Variants in RIC8B observed in about 807,000 individuals in gnomAD.
RIC8B encodes RIC8 guanine nucleotide exchange factor B, also known as chaperone Ric-8B.
Under a neutral mutation model 57.5 loss-of-function variants are expected in RIC8B, and 16 were observed. That is an observed-to-expected ratio of 0.28 (90% CI 0.19 to 0.42). RIC8B has a LOEUF of 0.42. Ranked by LOEUF, RIC8B falls within the 10% of genes least tolerant of loss-of-function variation. The pLI is 1.00. For synonymous variants in RIC8B, 216 were observed against 250.8 expected (o/e 0.86, Z 1.31); for missense variants, 481 against 677.0 (o/e 0.71, Z 3.21).
At chr12:106,872,595 G>C (rs1950480087) in intron 9 of RIC8B, among the ~76,000 whole-genome samples, 1 of 151,164 alleles carries the variant, frequency 6.6e-6, no homozygotes, top group Admixed American at 6.6e-5. Context: ...TTGAACCTGG[G>C]AGGCGGAGGT....
Position 106,860,323 on chromosome 12 carries a change from C to G in RIC8B, c.1362C>G (p.Ala454=). Residue 454 remains alanine, a synonymous_variant, in exon 8 of 10, where the codon GCC becomes GCG. Transcript: ENST00000392837. ...GGAATGCTGCAGGACTGTTGGCGGC[C>G]AGGGGCCTCTTGGCTGGAGGAAGAG... The part of the protein sequence containing the change: ...GYGNAAGLLA[A]RGLLAGGRGD... 6.2e-7 allele frequency: 1 copy of G among 1,608,716 alleles called. No individual in the cohort carries two copies. The highest frequency in any genetic ancestry group is 1.1e-5 in the South Asian group (1 of 90,316).
At chr12:106,798,262 A>G (rs368499153) in intron 2 of RIC8B, among the ~76,000 whole-genome samples, 3 of 152,242 alleles carry the variant, frequency 2.0e-5, no homozygotes. Flanking sequence ...CAAAGTGCAG[A>G]AATTTGTACA....
At chr12:106,783,975 G>A in intron 1 of RIC8B, 22 bp from the exon 2 acceptor site, 1 of 1,609,104 alleles carries the variant, frequency 6.2e-7, no homozygotes, top group East Asian at 2.2e-5. Flanking sequence ...AAATGACATT[G>A]TTTCCCTTTT....
chr12:106,788,125 G>A (rs2044114521), intron 2 of RIC8B, among the ~76,000 whole-genome samples: 1 of 152,156 alleles, frequency 6.6e-6, no homozygotes, highest in East Asian at 1.9e-4. Context: ...GGGTTACAGG[G>A]CCCATGCAAG....
intron 4 of RIC8B, among the ~76,000 whole-genome samples, chr12:106,838,535 C>CA (rs34383569): frequency 0.34 from 31,923 of 94,528 alleles, 3,919 homozygotes; most frequent in Middle Eastern, 0.36. Context: ...AATACCCTGT[C>CA]AAAAAAAAAA....
At chr12:106,814,675 A>G (rs760205486) in intron 2 of RIC8B, 21 bp from the exon 3 acceptor site, 170 of 1,557,628 alleles carry the variant, frequency 1.1e-4, no homozygotes, top group East Asian at 4.5e-4. Flanking sequence ...TGATTTTTGC[A>G]TACTCGTTCT....
chr12:106,871,500 C>CAAAAAAAAAAA lies in RIC8B; in HGVS notation c.1571+564_1571+565insAAAAAAAAAAA, dbSNP rs1566169701. On this transcript the variant is annotated intron_variant, in intron 9 of 9. Coordinates refer to ENST00000392837, the MANE Select transcript of RIC8B (RefSeq NM_001330145.2). ...AAAAAAAAAAAAAAAAAAAAAAAAC[C>CAAAAAAAAAAA]AAAAAACTCCCCTTCCCCTCTTGCT... 25 of 66,570 alleles carry CAAAAAAAAAAA rather than the reference C, an allele frequency of 3.8e-4. 2 individuals carry two copies. Among genetic ancestry groups the CAAAAAAAAAAA allele is most frequent in the African/African-American group, 1.2e-3 (20 of 16,622 alleles). 4.1% of individuals were successfully genotyped at this position (66,570 alleles called of 1,614,324 possible). A position where few individuals can be genotyped will look rare whatever the true frequency, so the allele number is the denominator to read the frequency against.
chr12:106,808,961 C>T (rs1480253379), intron 2 of RIC8B, among the ~76,000 whole-genome samples: 2 of 151,964 alleles, frequency 1.3e-5, no homozygotes, highest in African/African-American at 4.8e-5. Context: ...AAAGATGATC[C>T]TTGTTTTATT....
chr12:106,882,597 A>C (rs1055456390), intron 9 of RIC8B, among the ~76,000 whole-genome samples: 8 of 152,164 alleles, frequency 5.3e-5, no homozygotes, highest in Non-Finnish European at 1.0e-4. Context: ...CTTGCCCAAG[A>C]TCACACAGCT....
Position 106,797,963 on chromosome 12 carries a change from T to C in RIC8B, c.132+13919T>C, listed in dbSNP as rs746996250. ...GTAGTTTATGAATCGATTCTATTTATTTCCTGATTTTAGGCACCCGAAATG... is the reference window on the plus strand; with the variant it reads ...GTAGTTTATGAATCGATTCTATTTACTTCCTGATTTTAGGCACCCGAAATG... On this transcript the variant is annotated intron_variant, in intron 2 of 9. Transcript: ENST00000392837. The C allele has an allele frequency of 8.7e-6, 6 of 692,344 alleles. No homozygotes were observed. In the Admixed American group the frequency reaches 1.1e-4, roughly 13 times the overall value. 42.9% of individuals were successfully genotyped at this position (692,344 alleles called of 1,614,324 possible).
At chr12:106,858,494 C>T (rs1949798494) in intron 7 of RIC8B, among the ~76,000 whole-genome samples, 1 of 152,040 alleles carries the variant, frequency 6.6e-6, no homozygotes, top group Non-Finnish European at 1.5e-5. Flanking sequence ...ACTGAACACT[C>T]ATTTCTTCTG....
At position 106,867,440 on chromosome 12, in the gene RIC8B, C is replaced by G. The variant is rs1203436831; in HGVS notation, c.1452-3383C>G. Reference sequence around the variant, plus strand: ...TATAATTACCCAATAAAATGTCCACCACAATTAGTGTTCTTAAAGCATCTT... The same window carrying G: ...TATAATTACCCAATAAAATGTCCACGACAATTAGTGTTCTTAAAGCATCTT... On this transcript the variant is annotated intron_variant, in intron 8 of 9. Transcript: ENST00000392837. The surrounding 1 kb of genome is among the most constrained non-coding windows in gnomAD (Gnocchi z 4.3). 6.6e-6 allele frequency among the ~76,000 whole-genome samples: 1 copy of G among 152,070 alleles called. No individual in the cohort carries two copies. Among genetic ancestry groups the G allele is most frequent in the African/African-American group, 2.4e-5 (1 of 41,400 alleles).
intron 3 of RIC8B, among the ~76,000 whole-genome samples, chr12:106,816,882 A>G (rs1340570089): frequency 1.3e-5 from 2 of 152,120 alleles, no homozygotes; most frequent in Non-Finnish European, 2.9e-5. Flanking sequence ...GTGTTATAGA[A>G]TATTTATTCT....
chr12:106,811,000 C>T, intron 2 of RIC8B, among the ~76,000 whole-genome samples: 1 of 152,198 alleles, frequency 6.6e-6, no homozygotes, highest in East Asian at 1.9e-4. Flanking sequence ...CTCTTAATTA[C>T]CACACTGATT....
At chr12:106,860,844 CA>C (rs1949901064) in intron 8 of RIC8B, among the ~76,000 whole-genome samples, 2 of 152,028 alleles carry the variant, frequency 1.3e-5, no homozygotes, top group Admixed American at 1.3e-4. Context: ...CCTTATAAGT[CA>C]GTAAAATAGG....
chr12:106,832,361 A>G (rs990339157), intron 4 of RIC8B, among the ~76,000 whole-genome samples: 5 of 152,168 alleles, frequency 3.3e-5, no homozygotes, highest in African/African-American at 7.2e-5. Context: ...TGAGGTCATG[A>G]GTTCGAGGCC....
At position 106,815,691 on chromosome 12, in the gene RIC8B, T is replaced by A. The variant is rs118035750; in HGVS notation, c.741+387T>A. ...AGTGGCTGCCATCTTAAAGAAAAGT[T>A]AAGACAGATCAAGCCAATTGAAGTT... On this transcript the variant is annotated intron_variant, in intron 3 of 9. Coordinates refer to ENST00000392837, the MANE Select transcript of RIC8B (RefSeq NM_001330145.2). 2.3e-3 allele frequency among the ~76,000 whole-genome samples: 350 copies of A among 152,304 alleles called. 1 individual carries two copies. Among genetic ancestry groups the A allele is most frequent in the Non-Finnish European group, 3.7e-3 (253 of 68,036 alleles).
At chr12:106,847,441 A>G (rs183272586) in intron 6 of RIC8B, among the ~76,000 whole-genome samples, 1 of 152,330 alleles carries the variant, frequency 6.6e-6, no homozygotes, top group African/African-American at 2.4e-5. Context: ...TCTTCTAGAA[A>G]TGGGAGACGT....
chr12:106,878,832 C>G (rs189760249), intron 9 of RIC8B, among the ~76,000 whole-genome samples: 4 of 152,026 alleles, frequency 2.6e-5, no homozygotes, highest in Admixed American at 6.6e-5. Flanking sequence ...GTTCCCCCCC[C>G]CTTTTCTTCT....
Sources: gnomAD v4.1 joint callset for allele counts (sites outside exome capture counted in the v4.1 genomes callset) on GRCh38, gnomAD v4.1.1 for gene constraint, Gnocchi (gnomAD v3.1) non-coding constraint, MANE v1.5 for transcripts, NCBI Gene and HGNC (gene_info 2026-07-23, HGNC 2026-07-21) for gene names.